MBD5: variants seen among roughly 807,000 people sequenced by gnomAD.
MBD5 encodes the protein methyl-CpG binding domain protein 5, also known as methyl-CpG-binding domain protein 5.
MBD5 carries 13 observed loss-of-function variants against 117.3 expected under a neutral mutation model. The observed-to-expected ratio is 0.11, with a 90% CI of 0.07 to 0.18. The LOEUF is 0.18. MBD5 is among the 10% of genes least tolerant of loss of function. The pLI, the probability that MBD5 is intolerant of heterozygous loss-of-function variation, is 1.00. For synonymous variants in MBD5, 727 were observed against 766.4 expected, an observed-to-expected ratio of 0.95 and a Z score of 0.85; for missense variants, 1,879 against 2,093.8, an observed-to-expected ratio of 0.90 and a Z score of 2.00.
chr2:148,045,388 C>G (rs1424177267), intron 1 of MBD5, among the ~76,000 whole-genome samples: 2 of 152,138 alleles, frequency 1.3e-5, no homozygotes, highest in Admixed American at 6.5e-5. Flanking sequence ...AATATAACTT[C>G]TAAAGTGTTC....
chr2:148,431,156 C>T (rs1279322310), intron 4 of MBD5, among the ~76,000 whole-genome samples: 2 of 152,114 alleles, frequency 1.3e-5, no homozygotes, highest in East Asian at 3.8e-4. Flanking sequence ...ATTCTCCTCT[C>T]TCTCATTTCA....
chr2:148,070,146 T>A (rs531076665), intron 1 of MBD5, among the ~76,000 whole-genome samples: 1 of 152,318 alleles, frequency 6.6e-6, no homozygotes, highest in South Asian at 2.1e-4. Flanking sequence ...CATTCTACTC[T>A]CTACCTCCAT....
chr2:148,256,077 C>T (rs560133120), intron 3 of MBD5, among the ~76,000 whole-genome samples: 9 of 152,378 alleles, frequency 5.9e-5, no homozygotes, highest in South Asian at 4.1e-4. Flanking sequence ...ACTTTGGCAG[C>T]GGCCCGATGT....
chr2:148,054,679 T>G (rs1210209718), intron 1 of MBD5: 1 of 152,238 alleles, frequency 6.6e-6, no homozygotes, highest in Non-Finnish European at 1.5e-5. Context: ...TTCATTTTCA[T>G]TGTATTTTAC....
At chr2:148,465,206 A>C (rs1398064767) in intron 7 of MBD5, among the ~76,000 whole-genome samples, 1 of 152,168 alleles carries the variant, frequency 6.6e-6, no homozygotes, top group African/African-American at 2.4e-5. Flanking sequence ...AGATGATGTT[A>C]GCTCCTCATC....
Position 148,458,453 on chromosome 2 carries a change from A to G in MBD5, c.-306A>G. 3 of 569,762 alleles carry G rather than the reference A, an allele frequency of 5.3e-6. No individual in the cohort carries two copies. 35.3% of individuals were successfully genotyped at this position (569,762 alleles called of 1,614,324 possible). A position where few individuals can be genotyped will look rare whatever the true frequency, so the allele number is the denominator to read the frequency against. On this transcript the variant is annotated 5_prime_UTR_variant, in exon 5 of 14. Transcript: ENST00000642680. ...TTTACACTCCCCACCCCCACTTCAG[A>G]CAGGTACCAGCATTGGTGAATTATG...
At chr2:148,297,812 A>C (rs181287596) in intron 3 of MBD5, among the ~76,000 whole-genome samples, 1 of 151,762 alleles carries the variant, frequency 6.6e-6, no homozygotes, top group African/African-American at 2.4e-5. Flanking sequence ...CTCCTTTTGC[A>C]TACCATCAGA....
intron 1 of MBD5, among the ~76,000 whole-genome samples, chr2:148,036,824 A>G (rs1377474161): frequency 6.6e-6 from 1 of 152,048 alleles, no homozygotes; most frequent in Non-Finnish European, 1.5e-5. Context: ...CTATGTTTTA[A>G]TTTTCATATT....
chr2:148,276,921 T>C (rs1469376706), intron 3 of MBD5, among the ~76,000 whole-genome samples: 2 of 152,306 alleles, frequency 1.3e-5, no homozygotes, highest in South Asian at 2.1e-4. Flanking sequence ...TTCTATTGGT[T>C]CTTATTTGAA....
intron 4 of MBD5, among the ~76,000 whole-genome samples, chr2:148,390,841 G>A (rs560798618): frequency 1.2e-4 from 18 of 152,192 alleles, no homozygotes; most frequent in African/African-American, 3.6e-4. Context: ...GAAATCAGGC[G>A]TGAGCCACTG....
chr2:148,292,865 A>G (rs916663825), intron 3 of MBD5, among the ~76,000 whole-genome samples: 1 of 151,670 alleles, frequency 6.6e-6, no homozygotes, highest in African/African-American at 2.4e-5. Context: ...TGTGGTACCT[A>G]TACACAACAG....
chr2:148,258,092 G>A (rs77248744), intron 3 of MBD5, among the ~76,000 whole-genome samples: 1,859 of 152,256 alleles, frequency 0.012, 20 homozygotes, highest in South Asian at 0.02. Context: ...CATCTGGCAA[G>A]CAGTATTGAT....
At chr2:148,155,838 G>C (rs1697859590) in intron 1 of MBD5, among the ~76,000 whole-genome samples, 1 of 152,124 alleles carries the variant, frequency 6.6e-6, no homozygotes, top group Non-Finnish European at 1.5e-5. Context: ...GCACTTTGAG[G>C]GCAAGCACTC....
intron 1 of MBD5, among the ~76,000 whole-genome samples, chr2:148,094,356 T>G (rs774551730): frequency 9.2e-5 from 14 of 152,180 alleles, no homozygotes; most frequent in Non-Finnish European, 1.8e-4. Flanking sequence ...TTGGCCACCC[T>G]CATTTATAAT....
chr2:148,269,333 G>T (rs1407190822), intron 3 of MBD5, among the ~76,000 whole-genome samples: 1 of 151,302 alleles, frequency 6.6e-6, no homozygotes. Context: ...TAGGTTTAAT[G>T]CTCCAAGTTC....
At chr2:148,389,006 C>A (rs1271500583) in intron 4 of MBD5, among the ~76,000 whole-genome samples, 1 of 150,948 alleles carries the variant, frequency 6.6e-6, no homozygotes, top group African/African-American at 2.4e-5. Flanking sequence ...TTTTGGAGTC[C>A]CTAATGTCTG....
At chr2:148,147,073 G>A (rs992472353) in intron 1 of MBD5, among the ~76,000 whole-genome samples, 1 of 151,912 alleles carries the variant, frequency 6.6e-6, no homozygotes, top group African/African-American at 2.4e-5. Flanking sequence ...TTGAACATAT[G>A]TATTGTAGGT....
At chr2:148,160,440 G>A (rs1166033476) in intron 1 of MBD5, among the ~76,000 whole-genome samples, 2 of 152,024 alleles carry the variant, frequency 1.3e-5, no homozygotes, top group South Asian at 2.1e-4. Flanking sequence ...TGGTATATAA[G>A]GTAGTTATGA....
chr2:148,043,963 T>C (rs1004242784), intron 1 of MBD5, among the ~76,000 whole-genome samples: 1 of 152,182 alleles, frequency 6.6e-6, no homozygotes. Flanking sequence ...CTCAGAATAA[T>C]TGAGGTCGGA....
Sources: gnomAD v4.1 joint callset for allele counts (sites outside exome capture counted in the v4.1 genomes callset) on GRCh38, gnomAD v4.1.1 for gene constraint, MANE v1.5 for transcripts, NCBI Gene and HGNC (gene_info 2026-07-23, HGNC 2026-07-21) for gene names.